RABGEF1: variants seen among roughly 807,000 people sequenced by gnomAD.
RABGEF1 encodes rab5 GDP/GTP exchange factor.
RABGEF1 carries 26 observed loss-of-function variants against 57.3 expected under a neutral mutation model. The observed-to-expected ratio is 0.45, with a 90% CI of 0.33 to 0.63. RABGEF1 has a LOEUF of 0.63. Ranked by LOEUF, RABGEF1 falls within the 20% of genes least tolerant of loss-of-function variation. The probability of loss-of-function intolerance (pLI) is 0.02; values close to 1 mark genes in which losing one functional copy is unlikely to be tolerated. For missense variants in RABGEF1, 464 were observed against 607.6 expected (o/e 0.76, Z 2.48); for synonymous variants, 185 against 210.7 (o/e 0.88, Z 1.06).
At position 66,695,987 on chromosome 7, in the gene RABGEF1, A is replaced by T. The variant is rs375611021; in HGVS notation, c.-873+13729A>T. Among the ~76,000 whole-genome samples, 8 of 151,612 alleles carry T rather than the reference A, an allele frequency of 5.3e-5. 1 individual carries two copies. In the East Asian group the frequency reaches 5.8e-4, roughly 11 times the overall value. On this transcript the variant is annotated intron_variant and NMD_transcript_variant, in intron 1 of 9. Transcript: ENST00000607882. ...TCAAAAAAAAAAAAATAAAGTGTAG[A>T]TGACTCTTTGAAGCACCTTGGCTGG... is the stretch of plus-strand genomic sequence containing the variant.
intron 1 of RABGEF1, among the ~76,000 whole-genome samples, chr7:66,760,110 G>T (rs769813729): frequency 5.9e-5 from 9 of 152,198 alleles, no homozygotes; most frequent in Non-Finnish European, 1.0e-4. Context: ...AAGCAGGCCC[G>T]TCTGAGAATG....
At chr7:66,744,061 G>A (rs763714596) in intron 1 of RABGEF1, among the ~76,000 whole-genome samples, 14 of 146,754 alleles carry the variant, frequency 9.5e-5, no homozygotes, top group African/African-American at 1.0e-4. Context: ...TTTTTAAGAC[G>A]GAGTCTTGAT....
intron 1 of RABGEF1, among the ~76,000 whole-genome samples, chr7:66,742,403 G>C (rs1164777013): frequency 1.3e-5 from 2 of 152,152 alleles, no homozygotes; most frequent in Admixed American, 6.5e-5. Context: ...TTTCAAAACA[G>C]TGTGGTAAGG....
rs560774092 is a variant in RABGEF1, at chr7:66,778,997, C to G, written c.346+3604C>G. On this transcript the variant is annotated intron_variant, in intron 3 of 8. Coordinates refer to ENST00000284957, the MANE Select transcript of RABGEF1 (RefSeq NM_014504.3). Reference sequence around the variant, plus strand: ...AGGTGTGGAAGTGTGCGCCTGTAATCCCAGCTACTTGGGAGTCAGAGTCAG... The same window carrying G: ...AGGTGTGGAAGTGTGCGCCTGTAATGCCAGCTACTTGGGAGTCAGAGTCAG... Among the ~76,000 whole-genome samples, 3 of 152,160 alleles carry G rather than the reference C, an allele frequency of 2.0e-5. No homozygotes were observed. In the South Asian group the frequency reaches 6.2e-4, roughly 32 times the overall value.
upstream of RABGEF1, among the ~76,000 whole-genome samples, chr7:66,737,095 A>AGAGAGAGAGAGCGAGAGC (rs1798074110): frequency 1.4e-5 from 2 of 138,694 alleles, no homozygotes; most frequent in Non-Finnish European, 1.5e-5. Flanking sequence ...AGCGAGAGCG[A>AGAGAGAGAGAGCGAGAGC]GAGAGAGAGA....
At chr7:66,764,649 C>G (rs1805252037) in intron 1 of RABGEF1, among the ~76,000 whole-genome samples, 1 of 152,190 alleles carries the variant, frequency 6.6e-6, no homozygotes, top group Non-Finnish European at 1.5e-5. Flanking sequence ...AAGTAAGCAT[C>G]TAACATCTAA....
chr7:66,673,870 T>C, the RABGEF1 span, among the ~76,000 whole-genome samples: 2 of 151,894 alleles, frequency 1.3e-5, no homozygotes, highest in African/African-American at 4.8e-5. Flanking sequence ...CAGAACGAGA[T>C]CCTATCTCTT....
intron 7 of RABGEF1, among the ~76,000 whole-genome samples, chr7:66,800,851 TGTGACCCATCA>T (rs1236409264): frequency 1.3e-5 from 2 of 152,216 alleles, no homozygotes; most frequent in Admixed American, 6.5e-5. Flanking sequence ...CGAGTGTTTG[TGTGACCCATCA>T]GTGGTGAAAG....
chr7:66,768,967 A>G (rs1806412914), intron 1 of RABGEF1: 1 of 152,144 alleles, frequency 6.6e-6, no homozygotes. Flanking sequence ...CATTTCAGCC[A>G]TAGCTGCAGA....
chr7:66,731,119 G>A (rs1797264070), intron 2 of RABGEF1, among the ~76,000 whole-genome samples: 1 of 152,188 alleles, frequency 6.6e-6, no homozygotes, highest in Non-Finnish European at 1.5e-5. Flanking sequence ...CCCTGCCCTG[G>A]AGCCATGGCT....
chr7:66,690,348 C>G (rs972510811), intron 1 of RABGEF1, among the ~76,000 whole-genome samples: 12 of 151,010 alleles, frequency 7.9e-5, no homozygotes, highest in African/African-American at 2.4e-4. Context: ...ATCCACCTGC[C>G]TTGGCCTCCC....
intron 1 of RABGEF1, among the ~76,000 whole-genome samples, chr7:66,769,278 C>T (rs1806494410): frequency 6.6e-6 from 1 of 152,216 alleles, no homozygotes; most frequent in African/African-American, 2.4e-5. Flanking sequence ...GATTTGATAG[C>T]TGGATGAAAT....
intron 1 of RABGEF1, among the ~76,000 whole-genome samples, chr7:66,752,617 T>A (rs1039887134): frequency 1.3e-5 from 2 of 152,170 alleles, no homozygotes; most frequent in African/African-American, 4.8e-5. Flanking sequence ...TTTTCGTAAT[T>A]GTGGTGTTTT....
chr7:66,743,910 C>T (rs1020451463), intron 1 of RABGEF1, among the ~76,000 whole-genome samples: 8 of 152,150 alleles, frequency 5.3e-5, no homozygotes, highest in African/African-American at 1.9e-4. Context: ...GGATTACAAA[C>T]ATGAGCCACT....
chr7:66,679,271 C>T (rs1454790367), upstream of RABGEF1, among the ~76,000 whole-genome samples: 1 of 152,164 alleles, frequency 6.6e-6, no homozygotes, highest in Non-Finnish European at 1.5e-5. Context: ...CTCACGAGGC[C>T]ACTCCTGTCT....
At chr7:66,680,308 G>T (rs370153189), upstream of RABGEF1, among the ~76,000 whole-genome samples, 5 of 151,520 alleles carry the variant, frequency 3.3e-5, no homozygotes, top group African/African-American at 9.7e-5. Flanking sequence ...GTGCAATGTC[G>T]TGATCTCGGC....
intron 2 of RABGEF1, among the ~76,000 whole-genome samples, chr7:66,726,328 C>T (rs1444789143): frequency 6.6e-6 from 1 of 152,162 alleles, no homozygotes; most frequent in African/African-American, 2.4e-5. Context: ...ACTCCAGGCT[C>T]AAAGACCAGG....
chr7:66,664,950 C>T, the RABGEF1 span, among the ~76,000 whole-genome samples: 1 of 152,222 alleles, frequency 6.6e-6, no homozygotes, highest in Admixed American at 6.5e-5. Flanking sequence ...AGCCCGTGGC[C>T]CCCACGGCAG....
intron 2 of RABGEF1, among the ~76,000 whole-genome samples, chr7:66,729,265 A>G (rs1328069975): frequency 6.7e-6 from 1 of 150,182 alleles, no homozygotes; most frequent in Non-Finnish European, 1.5e-5. Context: ...CTCCACCATT[A>G]CCACCATCCT....
Sources: allele counts gnomAD v4.1 joint callset (sites outside exome capture counted in the v4.1 genomes callset), GRCh38; gene constraint gnomAD v4.1.1; transcripts MANE v1.5; gene names NCBI Gene and HGNC (gene_info 2026-07-23, HGNC 2026-07-21).